Variants in ABTB2 observed in about 807,000 individuals in gnomAD.
ABTB2 encodes the protein ankyrin repeat and BTB domain containing 2, also known as ankyrin repeat and BTB/POZ domain-containing protein 2.
ABTB2 carries 56 observed loss-of-function variants against 104.1 expected under a neutral mutation model. That is an observed-to-expected ratio of 0.54 (90% CI 0.43 to 0.67). The LOEUF is 0.67. Among genes scored for constraint, ABTB2 ranks in the 30% least tolerant of loss-of-function variants. The pLI is 0.00. For synonymous variants in ABTB2, 606 were observed against 608.2 expected (o/e 1.00, Z 0.05); for missense variants, 1,279 against 1,407.7 (o/e 0.91, Z 1.46).
intron 1 of ABTB2, among the ~76,000 whole-genome samples, chr11:34,289,424 C>T (rs1036382499): frequency 6.6e-6 from 1 of 152,138 alleles, no homozygotes; most frequent in Non-Finnish European, 1.5e-5. Flanking sequence ...AAGTGCTTGA[C>T]CTACATTGTT....
intron 1 of ABTB2, among the ~76,000 whole-genome samples, chr11:34,322,596 T>A (rs559181693): frequency 6.1e-4 from 93 of 151,808 alleles, no homozygotes; most frequent in African/African-American, 2.2e-3. Flanking sequence ...TAAATAAATA[T>A]ATAAATAAAA....
intron 2 of ABTB2, among the ~76,000 whole-genome samples, chr11:34,202,619 C>T (rs12293151): frequency 0.011 from 1,679 of 152,182 alleles, 28 homozygotes; most frequent in African/African-American, 0.039. Context: ...AGTGGGGAAT[C>T]ACTTGAGGTG....
At chr11:34,226,960 C>T (rs1193331371) in intron 1 of ABTB2, among the ~76,000 whole-genome samples, 1 of 152,028 alleles carries the variant, frequency 6.6e-6, no homozygotes, top group Non-Finnish European at 1.5e-5. Context: ...CAGCTACTCT[C>T]CTGAGGCAGG....
chr11:34,238,308 C>G (rs539212890), intron 1 of ABTB2, among the ~76,000 whole-genome samples: 1 of 152,218 alleles, frequency 6.6e-6, no homozygotes, highest in Non-Finnish European at 1.5e-5. Flanking sequence ...TTGCCCACTT[C>G]CAGCTCTCCC....
At chr11:34,240,263 A>G (rs1179404558) in intron 1 of ABTB2, among the ~76,000 whole-genome samples, 2 of 152,156 alleles carry the variant, frequency 1.3e-5, no homozygotes, top group African/African-American at 4.8e-5. Context: ...TTTCCATTTG[A>G]TGAACCGTCT....
chr11:34,290,408 T>G (rs1043702440), intron 1 of ABTB2, among the ~76,000 whole-genome samples: 1 of 152,216 alleles, frequency 6.6e-6, no homozygotes, highest in South Asian at 2.1e-4. Context: ...CCCAGGAAAA[T>G]ACTTGGTAAA....
At position 34,297,766 on chromosome 11, in the gene ABTB2, CAAAAAAA is replaced by C. The variant is rs1171577510; in HGVS notation, c.883+58928_883+58934del. Among the ~76,000 whole-genome samples the C allele has an allele frequency of 5.6e-4, 9 of 16,070 alleles. 1 individual carries two copies. The Admixed American group carries it at 6.1e-3, about 11-fold the overall frequency. 10.5% of individuals were successfully genotyped at this position (16,070 alleles called of 152,430 possible). ...GGGCAACAAGAGTGAAACTCCATCT[CAAAAAAA>C]AAAAAAAAAAATAAAAATAAAGGAA... On this transcript the variant is annotated intron_variant, in intron 1 of 16. Transcript: ENST00000435224.
At chr11:34,266,173 C>T (rs1854246920) in intron 1 of ABTB2, among the ~76,000 whole-genome samples, 1 of 152,182 alleles carries the variant, frequency 6.6e-6, no homozygotes, top group African/African-American at 2.4e-5. Context: ...ACCTCAAACT[C>T]CTGCACTCAA....
rs1056261607 is a variant in ABTB2, at chr11:34,152,869, C to T, written c.2881-285G>A. On this transcript the variant is annotated intron_variant, in intron 16 of 16. Coordinates refer to ENST00000435224, the MANE Select transcript of ABTB2 (RefSeq NM_145804.3). ...CCTAAGGGTGGGAACGGGGACTGTC[C>T]ACCACTGGGTGTCCAGGGCTCAGCA... Among the ~76,000 whole-genome samples the T allele has an allele frequency of 3.3e-5, 5 of 152,192 alleles. 1 individual carries two copies. Among genetic ancestry groups the T allele is most frequent in the Non-Finnish European group, 1.5e-5 (1 of 68,040 alleles).
At chr11:34,306,982 T>TA (rs61161318) in intron 1 of ABTB2, among the ~76,000 whole-genome samples, 3,132 of 94,470 alleles carry the variant, frequency 0.033, 69 homozygotes, top group African/African-American at 0.08. Context: ...TCAGGAAACT[T>TA]AAAAAAAAAA....
intron 1 of ABTB2, among the ~76,000 whole-genome samples, chr11:34,278,816 G>A (rs947906236): frequency 6.6e-6 from 1 of 152,176 alleles, no homozygotes; most frequent in Admixed American, 6.5e-5. Context: ...CTGTGTGCTG[G>A]CATTTCCAAG....
chr11:34,271,125 T>G (rs1009379107), intron 1 of ABTB2, among the ~76,000 whole-genome samples: 6 of 152,200 alleles, frequency 3.9e-5, no homozygotes, highest in East Asian at 1.9e-4. Flanking sequence ...AAGCTCGGCT[T>G]TTAGAAGTAG....
intron 1 of ABTB2, among the ~76,000 whole-genome samples, chr11:34,215,995 GCATT>G (rs1358429617): frequency 6.6e-6 from 1 of 152,158 alleles, no homozygotes; most frequent in Non-Finnish European, 1.5e-5. Context: ...CATTTATTCT[GCATT>G]CATTCACTCA....
chr11:34,335,301 CAAA>C (rs1324841139), intron 1 of ABTB2: 1 of 1,204,962 alleles, frequency 8.3e-7, no homozygotes, highest in Non-Finnish European at 1.2e-6. Context: ...GTATATGGTC[CAAA>C]AAAATGCCAA....
intron 1 of ABTB2, among the ~76,000 whole-genome samples, chr11:34,248,895 C>T (rs984419980): frequency 1.3e-5 from 2 of 152,204 alleles, no homozygotes; most frequent in East Asian, 3.8e-4. Context: ...CTTTGGGAGG[C>T]CAAGGCGGGC....
At chr11:34,340,281 G>T (rs145927696) in intron 1 of ABTB2, among the ~76,000 whole-genome samples, 124 of 152,306 alleles carry the variant, frequency 8.1e-4, no homozygotes, top group African/African-American at 2.9e-3. Context: ...CCATTGCTGG[G>T]AAGCAACAAT....
chr11:34,294,890 A>AT (rs1347121832), intron 1 of ABTB2, among the ~76,000 whole-genome samples: 1 of 150,256 alleles, frequency 6.7e-6, no homozygotes, highest in Non-Finnish European at 1.5e-5. Flanking sequence ...TTTTTTTTTA[A>AT]TTTTTAGTAG....
intron 1 of ABTB2, among the ~76,000 whole-genome samples, chr11:34,288,079 T>A (rs1854526688): frequency 6.6e-6 from 1 of 152,028 alleles, no homozygotes; most frequent in South Asian, 2.1e-4. Context: ...CTCTAGCCAT[T>A]ATCTAAATTT....
rs535541338 is a variant in ABTB2, at chr11:34,196,020, A to AGTG, written c.1244+1302_1244+1304dup. Among the ~76,000 whole-genome samples the AGTG allele has an allele frequency of 2.7e-4, 41 of 152,150 alleles. No homozygotes were observed. The East Asian group carries it at 7.7e-3, about 29-fold the overall frequency. Reference sequence around the variant, plus strand: ...GCTCTGCCTTTCCTGGGCTTCACTGAGTGGTGAAATGTGTGTGGATGGGGC... The same window carrying AGTG: ...GCTCTGCCTTTCCTGGGCTTCACTGAGTGGTGGTGAAATGTGTGTGGATGGGGC... On this transcript the variant is annotated intron_variant, in intron 3 of 16. Coordinates refer to ENST00000435224, the MANE Select transcript of ABTB2 (RefSeq NM_145804.3).
Sources: allele counts gnomAD v4.1 joint callset (sites outside exome capture counted in the v4.1 genomes callset), GRCh38; gene constraint gnomAD v4.1.1; transcripts MANE v1.5; gene names NCBI Gene and HGNC (gene_info 2026-07-23, HGNC 2026-07-21).